The following CHSY3 variants were observed in gnomAD, a reference collection of about 807,000 sequenced individuals.
The protein encoded by CHSY3 is chondroitin sulfate synthase 3, also known as N-acetylgalactosaminyl-proteoglycan 3-beta-glucuronosyltransferase 3.
In CHSY3, 35 loss-of-function variants were observed where a neutral mutation model predicts 67.2. The observed-to-expected ratio is 0.52, with a 90% CI of 0.40 to 0.69. CHSY3 has a LOEUF of 0.69. Among genes scored for constraint, CHSY3 ranks in the 30% least tolerant of loss-of-function variants. The pLI is 0.00. For missense variants in CHSY3, 1,069 were observed against 1,138.5 expected (o/e 0.94, Z 0.88); for synonymous variants, 474 against 434.7 (o/e 1.09, Z -1.12).
In CHSY3 at chr5:129,911,726, G is replaced by A. The variant is rs539635568; in HGVS notation, c.1086+3366G>A. 2.6e-4 allele frequency among the ~76,000 whole-genome samples: 40 copies of A among 152,244 alleles called. No individual in the cohort carries two copies. In the South Asian group the frequency reaches 7.9e-3, roughly 30 times the overall value. On this transcript the variant is annotated intron_variant, in intron 2 of 2. Transcript: ENST00000305031. ...GCAAAGAATAAGAAACCAGTATGTTGCAGTATTTTAGAAATATGAGGAATT... is the reference window on the plus strand; with the variant it reads ...GCAAAGAATAAGAAACCAGTATGTTACAGTATTTTAGAAATATGAGGAATT...
intron 2 of CHSY3, among the ~76,000 whole-genome samples, chr5:129,924,322 T>C (rs1484673819): frequency 1.3e-5 from 2 of 152,112 alleles, no homozygotes; most frequent in Non-Finnish European, 2.9e-5. Flanking sequence ...AGAGGTGACA[T>C]ATTACTCAAC....
chr5:130,072,199 T>G (rs1172573699), intron 2 of CHSY3, among the ~76,000 whole-genome samples: 3 of 152,094 alleles, frequency 2.0e-5, no homozygotes, highest in Non-Finnish European at 4.4e-5. Flanking sequence ...TTTAGTTTCA[T>G]GCAATCTACC....
chr5:130,122,759 T>C (rs981083478), intron 2 of CHSY3, among the ~76,000 whole-genome samples: 1 of 152,246 alleles, frequency 6.6e-6, no homozygotes. Context: ...AATCTTATCG[T>C]CAGCCAGGAA....
At chr5:130,160,891 A>ATTTTTT (rs1171885849) in intron 2 of CHSY3, among the ~76,000 whole-genome samples, 8 of 138,252 alleles carry the variant, frequency 5.8e-5, no homozygotes, top group Non-Finnish European at 6.0e-5. Flanking sequence ...TTATTTATTT[A>ATTTTTT]TTTATTTTTT....
At chr5:129,907,030 G>A (rs1760331484) in intron 1 of CHSY3, among the ~76,000 whole-genome samples, 1 of 152,166 alleles carries the variant, frequency 6.6e-6, no homozygotes, top group Non-Finnish European at 1.5e-5. Context: ...ATTTTTAACA[G>A]TGGTATTTAG....
chr5:130,017,183 T>G (rs1580652778), intron 2 of CHSY3, among the ~76,000 whole-genome samples: 1 of 152,172 alleles, frequency 6.6e-6, no homozygotes, highest in Admixed American at 6.5e-5. Context: ...GGCAGTTGTT[T>G]TTTTTTTCCA....
chr5:129,950,254 A>G (rs968236166), intron 2 of CHSY3, among the ~76,000 whole-genome samples: 1 of 152,118 alleles, frequency 6.6e-6, no homozygotes, highest in African/African-American at 2.4e-5. Context: ...AATTTTAAAC[A>G]TATTAGGTGT....
At chr5:130,020,391 ACCT>A (rs1190661503) in intron 2 of CHSY3, among the ~76,000 whole-genome samples, 1 of 146,184 alleles carries the variant, frequency 6.8e-6, no homozygotes, top group Non-Finnish European at 1.5e-5. Flanking sequence ...CTGCACTCCA[ACCT>A]GGGCAACAAA....
chr5:130,019,199 CAT>C (rs763248254), intron 2 of CHSY3, among the ~76,000 whole-genome samples: 14 of 152,100 alleles, frequency 9.2e-5, no homozygotes, highest in Non-Finnish European at 1.9e-4. Flanking sequence ...TAATTTTACA[CAT>C]GCTTGTTTGA....
intron 2 of CHSY3, among the ~76,000 whole-genome samples, chr5:130,107,678 C>T (rs1197552554): frequency 6.6e-6 from 1 of 151,580 alleles, no homozygotes; most frequent in African/African-American, 2.4e-5. Flanking sequence ...TTGACAGGCC[C>T]TGGCAGGCAG....
intron 2 of CHSY3, among the ~76,000 whole-genome samples, chr5:130,152,871 T>G (rs1769268319): frequency 6.6e-6 from 1 of 152,172 alleles, no homozygotes; most frequent in East Asian, 1.9e-4. Context: ...TTTATAAAAT[T>G]CTTACTTCTG....
chr5:130,026,123 C>T (rs1284653568), intron 2 of CHSY3, among the ~76,000 whole-genome samples: 1 of 152,068 alleles, frequency 6.6e-6, no homozygotes, highest in African/African-American at 2.4e-5. Context: ...AGGAGAGTTA[C>T]TTGTTTGTAT....
At chr5:130,134,937 T>G (rs1361275659) in intron 2 of CHSY3, among the ~76,000 whole-genome samples, 4 of 151,512 alleles carry the variant, frequency 2.6e-5, no homozygotes, top group Non-Finnish European at 5.9e-5. Context: ...ATCAGAATCT[T>G]AAAGCTCACT....
chr5:130,094,910 A>G (rs1766996256), intron 2 of CHSY3, among the ~76,000 whole-genome samples: 2 of 152,156 alleles, frequency 1.3e-5, no homozygotes, highest in African/African-American at 4.8e-5. Context: ...ATGTTTGTAT[A>G]CTAGGATTGA....
intron 2 of CHSY3, among the ~76,000 whole-genome samples, chr5:130,044,125 A>T (rs1765079576): frequency 6.6e-6 from 1 of 152,160 alleles, no homozygotes; most frequent in African/African-American, 2.4e-5. Context: ...AGATAAGTTT[A>T]CTTGAAGAAG....
At chr5:129,958,885 G>T (rs548809504) in intron 2 of CHSY3, among the ~76,000 whole-genome samples, 1 of 151,932 alleles carries the variant, frequency 6.6e-6, no homozygotes, top group African/African-American at 2.4e-5. Context: ...TTTAGAGAGA[G>T]ATTATTTTTG....
At chr5:130,022,310 A>G (rs1356561095) in intron 2 of CHSY3, among the ~76,000 whole-genome samples, 1 of 152,076 alleles carries the variant, frequency 6.6e-6, no homozygotes, top group African/African-American at 2.4e-5. Context: ...AGCATATATT[A>G]GCATTAACTA....
At chr5:129,960,731 AT>A (rs1300489620) in intron 2 of CHSY3, among the ~76,000 whole-genome samples, 2 of 152,058 alleles carry the variant, frequency 1.3e-5, no homozygotes, top group South Asian at 2.1e-4. Context: ...TTTTAAAAAA[AT>A]AATGCATGCC....
At chr5:129,979,199 C>CAAAAA (rs58584381) in intron 2 of CHSY3, among the ~76,000 whole-genome samples, 46 of 62,526 alleles carry the variant, frequency 7.4e-4, no homozygotes, top group Non-Finnish European at 1.0e-3. Context: ...GACTCCGTCT[C>CAAAAA]AAAAAAAAAA....
Sources: allele counts gnomAD v4.1 joint callset (sites outside exome capture counted in the v4.1 genomes callset), GRCh38; gene constraint gnomAD v4.1.1; transcripts MANE v1.5; gene names NCBI Gene and HGNC (gene_info 2026-07-23, HGNC 2026-07-21).